The following GALNT18 variants were observed in gnomAD, a reference collection of about 807,000 sequenced individuals.
GALNT18 encodes the protein GalNAc-transferase 18.
GALNT18 carries 44 observed loss-of-function variants against 69.5 expected under a neutral mutation model. The observed-to-expected ratio is 0.63, with a 90% confidence interval of 0.50 to 0.81. The LOEUF (loss-of-function observed/expected upper bound fraction) is 0.81, where lower values mean the gene tolerates loss of function less well. Among genes scored for constraint, GALNT18 ranks in the 40% least tolerant of loss-of-function variants. The pLI is 0.00. For missense variants in GALNT18, 715 were observed against 810.0 expected (o/e 0.88, Z 1.42); for synonymous variants, 364 against 318.2 (o/e 1.14, Z -1.53).
At chr11:11,526,407 G>A (rs1331295877) in intron 1 of GALNT18, among the ~76,000 whole-genome samples, 4 of 152,078 alleles carry the variant, frequency 2.6e-5, no homozygotes, top group Admixed American at 6.6e-5. Flanking sequence ...ATGCAGCGCT[G>A]GTCCCTTTCT....
In GALNT18 at chr11:11,541,406, C is replaced by A. The variant is rs1279849400; in HGVS notation, c.235+79953G>T. Among the ~76,000 whole-genome samples, 1 of 152,170 alleles carries A rather than the reference C, an allele frequency of 6.6e-6. No individual in the cohort carries two copies. The highest frequency in any genetic ancestry group is 2.4e-5 in the African/African-American group (1 of 41,450). ...ACCTCTCCCTGGCTCTTCAAGTGGT[C>A]TCCCAGCCAGTCTCCCTGCCTTCAG... is the stretch of plus-strand genomic sequence containing the variant. On this transcript the variant is annotated intron_variant, in intron 1 of 10. Transcript: ENST00000227756. This position sits in a 1 kb window ranked among gnomAD's most constrained non-coding sequence, Gnocchi z 4.8.
intron 9 of GALNT18, among the ~76,000 whole-genome samples, chr11:11,293,856 C>T (rs1376174113): frequency 1.3e-5 from 2 of 152,142 alleles, no homozygotes; most frequent in Non-Finnish European, 2.9e-5. Context: ...AGATACTGTG[C>T]TTTGTCAGAG....
At chr11:11,364,953 T>C (rs1850728517) in intron 6 of GALNT18, among the ~76,000 whole-genome samples, 1 of 151,120 alleles carries the variant, frequency 6.6e-6, no homozygotes, top group Non-Finnish European at 1.5e-5. Context: ...TTTATTTTAC[T>C]ATCTCACTGT....
chr11:11,330,159 T>C (rs1849993435), intron 8 of GALNT18, among the ~76,000 whole-genome samples: 1 of 152,180 alleles, frequency 6.6e-6, no homozygotes, highest in Admixed American at 6.5e-5. Flanking sequence ...GAGTCATTAA[T>C]GGGACCTATT....
intron 1 of GALNT18, among the ~76,000 whole-genome samples, chr11:11,577,580 G>A (rs570552752): frequency 2.4e-4 from 37 of 152,312 alleles, no homozygotes; most frequent in Middle Eastern, 6.8e-3. Flanking sequence ...CCTAAACAAG[G>A]GGGCCTAAGT....
chr11:11,370,086 AC>A (rs1306960319), intron 6 of GALNT18, among the ~76,000 whole-genome samples: 4 of 150,652 alleles, frequency 2.7e-5, no homozygotes, highest in Non-Finnish European at 5.9e-5. Context: ...GAAAAAAAAA[AC>A]CACTATTACA....
chr11:11,376,465 C>T (rs925766614), intron 5 of GALNT18, among the ~76,000 whole-genome samples: 5 of 152,202 alleles, frequency 3.3e-5, no homozygotes, highest in African/African-American at 1.2e-4. Context: ...GCCGAGACCA[C>T]ACAAGGGAGT....
At chr11:11,539,592 G>T (rs757745042) in intron 1 of GALNT18, among the ~76,000 whole-genome samples, 1 of 152,122 alleles carries the variant, frequency 6.6e-6, no homozygotes, top group East Asian at 1.9e-4. Context: ...ATGAAAGAGC[G>T]AAACAATCAT....
rs1165998374 is a variant in GALNT18 at position 11,583,165 on chromosome 11, C to A, written c.235+38194G>T. Among the ~76,000 whole-genome samples the A allele has an allele frequency of 6.6e-6, 1 of 152,190 alleles. No homozygotes were observed. Among genetic ancestry groups the A allele is most frequent in the Non-Finnish European group, 1.5e-5 (1 of 68,032 alleles). On this transcript the variant is annotated intron_variant, in intron 1 of 10. Coordinates refer to ENST00000227756, the MANE Select transcript of GALNT18 (RefSeq NM_198516.3). The surrounding 1 kb of genome is among the most constrained non-coding windows in gnomAD (Gnocchi z 4.7). Reference sequence around the variant, plus strand: ...TTGTCCCTTTAATGAGGTTTTTCCACAGCAGCACAGAACCAGTCTCCTGCT... The same window carrying A: ...TTGTCCCTTTAATGAGGTTTTTCCAAAGCAGCACAGAACCAGTCTCCTGCT...
At chr11:11,364,895 T>C (rs1408633340) in intron 6 of GALNT18, among the ~76,000 whole-genome samples, 2 of 152,184 alleles carry the variant, frequency 1.3e-5, no homozygotes, top group African/African-American at 2.4e-5. Context: ...TGAAACCAAA[T>C]TGGCCATAAG....
chr11:11,566,616 T>C (rs1372336487), intron 1 of GALNT18, among the ~76,000 whole-genome samples: 3 of 152,074 alleles, frequency 2.0e-5, no homozygotes, highest in Admixed American at 1.3e-4. Flanking sequence ...AACAAGTATA[T>C]ATAGAAAGAA....
intron 9 of GALNT18, among the ~76,000 whole-genome samples, chr11:11,322,298 G>A (rs187017308): frequency 2.0e-4 from 30 of 152,334 alleles, no homozygotes; most frequent in Admixed American, 2.0e-3. Context: ...AATCCACACT[G>A]TAAGTATAAC....
intron 1 of GALNT18, among the ~76,000 whole-genome samples, chr11:11,510,457 T>C (rs1857144490): frequency 6.7e-6 from 1 of 149,898 alleles, no homozygotes; most frequent in Non-Finnish European, 1.5e-5. Flanking sequence ...AAACCTTCCA[T>C]GAGTACAGCT....
chr11:11,524,275 T>A (rs1403570744), intron 1 of GALNT18, among the ~76,000 whole-genome samples: 2 of 152,190 alleles, frequency 1.3e-5, no homozygotes, highest in African/African-American at 4.8e-5. Flanking sequence ...TTCTTCAAGA[T>A]CCTTTTCAGC....
chr11:11,320,138 C>A lies in GALNT18; in HGVS notation c.1512+6948G>T, dbSNP rs1406609104. Among the ~76,000 whole-genome samples the A allele has an allele frequency of 6.6e-6, 1 of 152,180 alleles. No homozygotes were observed. The highest frequency in any genetic ancestry group is 2.4e-5 in the African/African-American group (1 of 41,442). Reference sequence around the variant, plus strand: ...TAAGTGGCATGGCTGGGATTTGAACCCATATAGTCTGGTTCTTAATCACTA... The same window carrying A: ...TAAGTGGCATGGCTGGGATTTGAACACATATAGTCTGGTTCTTAATCACTA... On this transcript the variant is annotated intron_variant, in intron 9 of 10. Transcript: ENST00000227756. The surrounding 1 kb of genome is among the most constrained non-coding windows in gnomAD (Gnocchi z 4.9).
rs747793555 is a variant in GALNT18 at position 11,389,121 on chromosome 11, G to C, written c.596-9857C>G. 6.6e-6 allele frequency among the ~76,000 whole-genome samples: 1 copy of C among 152,118 alleles called. No homozygotes were observed. The highest frequency in any genetic ancestry group is 1.5e-5 in the Non-Finnish European group (1 of 68,012). On this transcript the variant is annotated intron_variant, in intron 3 of 10. Transcript: ENST00000227756. This position sits in a 1 kb window ranked among gnomAD's most constrained non-coding sequence, Gnocchi z 4.3. ...AATAACCTCATTATTATCTTCAAACGGCAAATGGGAAAAATCAAGGATGAG... is the reference window on the plus strand; with the variant it reads ...AATAACCTCATTATTATCTTCAAACCGCAAATGGGAAAAATCAAGGATGAG...
At chr11:11,317,789 A>C (rs932915647) in intron 9 of GALNT18, among the ~76,000 whole-genome samples, 4 of 152,226 alleles carry the variant, frequency 2.6e-5, no homozygotes, top group Non-Finnish European at 4.4e-5. Flanking sequence ...TTCTTCAAGG[A>C]AAATGAAACT....
rs1859121264 is a variant in GALNT18 at position 11,582,918 on chromosome 11, C to T, written c.235+38441G>A. Among the ~76,000 whole-genome samples the T allele has an allele frequency of 6.6e-6, 1 of 152,202 alleles. No individual in the cohort carries two copies. Among genetic ancestry groups the T allele is most frequent in the Non-Finnish European group, 1.5e-5 (1 of 68,030 alleles). On this transcript the variant is annotated intron_variant, in intron 1 of 10. Transcript: ENST00000227756. This position sits in a 1 kb window ranked among gnomAD's most constrained non-coding sequence, Gnocchi z 5.0. ...CACAGCCACTGCCACACACACCCCA[C>T]AGAAGTGGTTGTCATGGTCCTGCAG...
At chr11:11,437,635 C>T (rs749930200) in intron 2 of GALNT18, among the ~76,000 whole-genome samples, 6 of 151,882 alleles carry the variant, frequency 4.0e-5, no homozygotes, top group Non-Finnish European at 7.4e-5. Flanking sequence ...GGTGGCCAAA[C>T]CTCATGCGCT....
Sources: allele counts gnomAD v4.1 joint callset (sites outside exome capture counted in the v4.1 genomes callset), GRCh38; gene constraint gnomAD v4.1.1; non-coding constraint Gnocchi (gnomAD v3.1); transcripts MANE v1.5; gene names NCBI Gene and HGNC (gene_info 2026-07-23, HGNC 2026-07-21).